The following RGS20 variants were observed in gnomAD, a reference collection of about 807,000 sequenced individuals.
RGS20 encodes regulator of G protein signaling 20.
Under a neutral mutation model 33.6 loss-of-function variants are expected in RGS20, and 30 were observed. That is an observed-to-expected ratio of 0.89 (90% CI 0.67 to 1.21). The LOEUF (loss-of-function observed/expected upper bound fraction) is 1.21, where lower values mean the gene tolerates loss of function less well. Ranked by LOEUF, RGS20 falls within the 50% of genes most tolerant of loss-of-function variation. RGS20 has a pLI of 0.00. For missense variants in RGS20, 472 were observed against 502.4 expected, an observed-to-expected ratio of 0.94 and a Z score of 0.58; for synonymous variants, 208 against 197.9, an observed-to-expected ratio of 1.05 and a Z score of -0.43.
intron 5 of RGS20, among the ~76,000 whole-genome samples, chr8:53,957,415 G>A (rs149756475): frequency 6.6e-6 from 1 of 152,220 alleles, no homozygotes; most frequent in Non-Finnish European, 1.5e-5. Flanking sequence ...TTTAAACACA[G>A]GCATTGTCTG....
chr8:53,945,420 T>C (rs1200451562), intron 3 of RGS20: 1 of 152,308 alleles, frequency 6.6e-6, no homozygotes, highest in East Asian at 1.9e-4. Flanking sequence ...GGATTCGTGC[T>C]TGCCTAGGGC....
intron 2 of RGS20, among the ~76,000 whole-genome samples, chr8:53,932,679 G>A (rs1814006497): frequency 6.6e-6 from 1 of 152,186 alleles, no homozygotes; most frequent in African/African-American, 2.4e-5. Flanking sequence ...AGCACCTGGG[G>A]GAAGGGGCAG....
At chr8:53,951,771 C>T (rs1227960933) in intron 4 of RGS20, among the ~76,000 whole-genome samples, 1 of 152,088 alleles carries the variant, frequency 6.6e-6, no homozygotes, top group African/African-American at 2.4e-5. Context: ...GATCCCAGCA[C>T]TTTGGGAGGC....
At position 53,879,271 on chromosome 8, in the gene RGS20, C is replaced by A. The variant is rs1563354351; in HGVS notation, c.179C>A (p.Ala60Glu). The A allele has an allele frequency of 6.2e-7, 1 of 1,613,870 alleles. No individual in the cohort carries two copies. The highest frequency in any genetic ancestry group is 8.5e-7 in the Non-Finnish European group (1 of 1,179,934). ...TCCCCACCCCAGTCCTTCCCGCCTG[C>A]ACAGCTCCCAGACTCGCCCGCCGCC... is the stretch of plus-strand genomic sequence containing the variant. Residue 60 changes from alanine (A) to glutamate (E), a missense_variant, in exon 2 of 6, where the codon GCA becomes GAA. Physicochemically the swap from Ala to Glu is moderately radical, Grantham distance 107. Coordinates refer to ENST00000297313, the MANE Select transcript of RGS20 (RefSeq NM_170587.4).
chr8:53,931,795 A>C (rs569171361), intron 2 of RGS20, among the ~76,000 whole-genome samples: 4 of 152,086 alleles, frequency 2.6e-5, no homozygotes, highest in African/African-American at 9.7e-5. Flanking sequence ...AGGAAGTGCA[A>C]GGTGTCAGGG....
At chr8:53,890,296 T>C (rs1048056413) in intron 2 of RGS20, among the ~76,000 whole-genome samples, 10 of 152,256 alleles carry the variant, frequency 6.6e-5, no homozygotes, top group Non-Finnish European at 1.0e-4. Flanking sequence ...AAATGTAGTA[T>C]GCCAATTTGA....
chr8:53,897,219 TC>T (rs1812889415), intron 2 of RGS20, among the ~76,000 whole-genome samples: 1 of 152,206 alleles, frequency 6.6e-6, no homozygotes, highest in Non-Finnish European at 1.5e-5. Context: ...AGGAACTTCT[TC>T]AGCAAATATT....
intron 3 of RGS20, 90 bp from the exon 3 acceptor site, chr8:53,946,575 G>A (rs773895107): frequency 6.7e-6 from 7 of 1,043,432 alleles, no homozygotes; most frequent in Admixed American, 5.4e-5. Context: ...ATTAATACTT[G>A]GGGATCTGAA....
intron 1 of RGS20, among the ~76,000 whole-genome samples, chr8:53,866,298 C>T (rs1811916455): frequency 6.6e-6 from 1 of 152,088 alleles, no homozygotes; most frequent in South Asian, 2.1e-4. Context: ...GTCTTCTATG[C>T]CATGTGAAGT....
chr8:53,940,743 G>A (rs907885079), intron 3 of RGS20, among the ~76,000 whole-genome samples: 1 of 152,214 alleles, frequency 6.6e-6, no homozygotes, highest in Non-Finnish European at 1.5e-5. Context: ...ACAGCAAGAG[G>A]AAACGTGGCC....
At chr8:53,952,483 C>T (rs13270297) in intron 4 of RGS20, among the ~76,000 whole-genome samples, 9,625 of 150,540 alleles carry the variant, frequency 0.064, 439 homozygotes, top group Middle Eastern at 0.11. Context: ...CCCAGCACTT[C>T]GGGAGGCCAA....
At chr8:53,873,736 A>G (rs953598888) in intron 1 of RGS20, among the ~76,000 whole-genome samples, 2 of 152,258 alleles carry the variant, frequency 1.3e-5, no homozygotes, top group Non-Finnish European at 2.9e-5. Context: ...AAACAAGTGA[A>G]TATATACTAT....
chr8:53,921,609 C>T (rs537116760), intron 2 of RGS20, among the ~76,000 whole-genome samples: 1 of 151,902 alleles, frequency 6.6e-6, no homozygotes, highest in South Asian at 2.1e-4. Context: ...TTTTCCATTT[C>T]ATCTAAGTTT....
rs189120895 is a variant in RGS20, at chr8:53,867,319, T to C, written c.166-11939T>C. On this transcript the variant is annotated intron_variant, in intron 1 of 5. Coordinates refer to ENST00000297313, the MANE Select transcript of RGS20 (RefSeq NM_170587.4). Reference sequence around the variant, plus strand: ...TCCCCTACGTTTCTCATGCTACATTTTTCATGCCTGCATTTGCTTCCACCA... The same window carrying C: ...TCCCCTACGTTTCTCATGCTACATTCTTCATGCCTGCATTTGCTTCCACCA... 4.3e-4 allele frequency among the ~76,000 whole-genome samples: 65 copies of C among 152,310 alleles called. 1 individual carries two copies. Among genetic ancestry groups the C allele is most frequent in the Non-Finnish European group, 7.2e-4 (49 of 68,024 alleles).
chr8:53,948,184 G>A (rs1172382268), intron 4 of RGS20, among the ~76,000 whole-genome samples: 1 of 129,418 alleles, frequency 7.7e-6, no homozygotes, highest in Non-Finnish European at 1.6e-5. Context: ...ATATGATATA[G>A]TATATATATT....
chr8:53,868,806 G>A (rs887851108), intron 1 of RGS20, among the ~76,000 whole-genome samples: 1 of 151,726 alleles, frequency 6.6e-6, no homozygotes, highest in Non-Finnish European at 1.5e-5. Flanking sequence ...ATGTTGAAGT[G>A]CAGTGGGGCG....
chr8:53,950,633 T>C (rs1450244129), intron 4 of RGS20, among the ~76,000 whole-genome samples: 1 of 151,502 alleles, frequency 6.6e-6, no homozygotes, highest in Non-Finnish European at 1.5e-5. Flanking sequence ...TTTTTTTTTT[T>C]AGACAGGGTC....
intron 2 of RGS20, among the ~76,000 whole-genome samples, chr8:53,894,126 A>G (rs1430197390): frequency 6.6e-6 from 1 of 152,150 alleles, no homozygotes; most frequent in Non-Finnish European, 1.5e-5. Flanking sequence ...ATTTTACCCA[A>G]TACGTTAGTA....
intron 1 of RGS20, among the ~76,000 whole-genome samples, chr8:53,852,360 G>C (rs938581630): frequency 6.6e-6 from 1 of 152,080 alleles, no homozygotes; most frequent in Non-Finnish European, 1.5e-5. Context: ...GACAGATTTT[G>C]TGGCTATTAG....
Sources: allele counts gnomAD v4.1 joint callset (sites outside exome capture counted in the v4.1 genomes callset), GRCh38; gene constraint gnomAD v4.1.1; transcripts MANE v1.5; gene names NCBI Gene and HGNC (gene_info 2026-07-23, HGNC 2026-07-21).